Variants in ACP6 observed in about 807,000 individuals in gnomAD.
ACP6 encodes lysophosphatidic acid phosphatase type 6.
ACP6 carries 48 observed loss-of-function variants against 48.1 expected under a neutral mutation model. That is an observed-to-expected ratio of 1.00 (90% CI 0.79 to 1.27). The LOEUF is 1.27. Ranked by LOEUF, ACP6 falls within the 50% of genes most tolerant of loss-of-function variation. The probability of loss-of-function intolerance (pLI) is 0.00; values close to 1 mark genes in which losing one functional copy is unlikely to be tolerated. For synonymous variants in ACP6, 172 were observed against 204.2 expected, an observed-to-expected ratio of 0.84 and a Z score of 1.34; for missense variants, 485 against 529.1, an observed-to-expected ratio of 0.92 and a Z score of 0.82.
At position 147,669,908 on chromosome 1, in the gene ACP6, C is replaced by A; in HGVS notation, c.141G>T (p.Leu47=). Residue 47 remains leucine, a synonymous_variant, in exon 1 of 10, where the codon CTG becomes CTT. Transcript: ENST00000583509. ...ADGQCPVDRS[L]LKLKMVQVVF... ...CGACCTGCACCATTTTCAACTTCAGCAGGCTGCGGTCGACCGGACACTGGC... is the reference window on the plus strand; with the variant it reads ...CGACCTGCACCATTTTCAACTTCAGAAGGCTGCGGTCGACCGGACACTGGC... 6.3e-7 allele frequency: 1 copy of A among 1,594,404 alleles called. No individual in the cohort carries two copies.
intron 6 of ACP6, 38 bp downstream of exon 6, chr1:147,654,156 A>G (rs373655744): frequency 1.9e-6 from 3 of 1,605,444 alleles, no homozygotes; most frequent in Non-Finnish European, 2.5e-6. Context: ...CCAGCCCACC[A>G]AGGCTATTAT....
At chr1:147,662,177 C>A (rs1660579673) in intron 1 of ACP6, among the ~76,000 whole-genome samples, 1 of 152,186 alleles carries the variant, frequency 6.6e-6, no homozygotes, top group South Asian at 2.1e-4. Context: ...TGCTCATTGA[C>A]AATGCACCTA....
At chr1:147,655,061 A>T (rs987801337) in intron 5 of ACP6, 100 bp downstream of exon 5, 26 of 909,252 alleles carry the variant, frequency 2.9e-5, no homozygotes, top group Non-Finnish European at 4.0e-5. Flanking sequence ...ATTCGCCAGT[A>T]GGGTAAGCCT....
chr1:147,654,243 C>T lies in ACP6; in HGVS notation c.731G>A (p.Ser244Asn), dbSNP rs2148907783. 6.2e-7 allele frequency: 1 copy of T among 1,614,220 alleles called. No homozygotes were observed. The highest frequency in any genetic ancestry group is 2.2e-5 in the East Asian group (1 of 44,884). The change falls in exon 6 of 10, where the codon AGT becomes AAT. Residue 244 changes from serine to asparagine, a missense_variant. Coordinates refer to ENST00000583509, the MANE Select transcript of ACP6 (RefSeq NM_016361.5). The stretch of plus-strand genomic sequence containing the variant: ...GAGGATGAAGAAGTCCACTTTATCA[C>T]TACTGTCAATGCCCATCCTGTCCTT... ...KVKDRMGIDS[S>N]DKVDFFILLD...
At chr1:147,630,472 T>A (rs1659136890) in exon 6 of ACP6, 1 of 152,224 alleles carries the variant, frequency 6.6e-6, no homozygotes, top group Non-Finnish European at 1.5e-5. Flanking sequence ...CAGGAGCTCA[T>A]GTTTGTTTCT....
intron 1 of ACP6, among the ~76,000 whole-genome samples, chr1:147,668,021 A>G (rs1416422681): frequency 6.6e-6 from 1 of 152,098 alleles, no homozygotes; most frequent in South Asian, 2.1e-4. Flanking sequence ...ACCTCTATCA[A>G]ATTGGATCTT....
intron 1 of ACP6, among the ~76,000 whole-genome samples, chr1:147,662,434 AAGG>A (rs1192281003): frequency 2.0e-5 from 3 of 152,218 alleles, no homozygotes; most frequent in African/African-American, 7.2e-5. Flanking sequence ...GAACATTTAT[AAGG>A]AGGAGGTCAA....
rs782410525 is a variant in ACP6 at position 147,650,193 on chromosome 1, C to T, written c.927G>A (p.Glu309=). The T allele has an allele frequency of 4.4e-6, 7 of 1,606,402 alleles. No homozygotes were observed. Among genetic ancestry groups the T allele is most frequent in the South Asian group, 1.1e-5 (1 of 89,748 alleles). The change falls in exon 8 of 10, where the codon GAG becomes GAA. Residue 309 remains glutamate (E), a synonymous_variant. Transcript: ENST00000583509. ...MAVGPFLHIL[E]SNLLKAMDSA... ...AGTCCATGGCTTTCAGCAGGTTGCT[C>T]TCTAGGATGTGGAGGAATGGGCCTA...
intron 2 of ACP6, 42 bp downstream of exon 2, chr1:147,659,605 C>T (rs587765008): frequency 1.9e-6 from 3 of 1,613,602 alleles, no homozygotes; most frequent in African/African-American, 2.7e-5. Context: ...AACAACCCAA[C>T]CTTTGCAGTG....
At chr1:147,661,291 G>A (rs587714509) in intron 1 of ACP6, among the ~76,000 whole-genome samples, 1 of 149,294 alleles carries the variant, frequency 6.7e-6, no homozygotes, top group African/African-American at 2.5e-5. Flanking sequence ...TGGGACTACA[G>A]GCATATACCA....
intron 8 of ACP6, chr1:147,649,909 TAAAAA>T: frequency 3.9e-6 from 2 of 519,016 alleles, no homozygotes; most frequent in Non-Finnish European, 3.3e-6. Context: ...CTTCAATTAA[TAAAAA>T]AAAGAGAGAG....
Position 147,647,370 on chromosome 1 carries a change from T to C in ACP6, c.*53A>G, listed in dbSNP as rs1659668557. The C allele has an allele frequency of 1.9e-6, 3 of 1,600,986 alleles. No individual in the cohort carries two copies. Among genetic ancestry groups the C allele is most frequent in the Non-Finnish European group, 2.6e-6 (3 of 1,172,260 alleles). ...TCCCAAACACACAAAGCAGGAGGCA[T>C]TGTATAAAGGCACTTTATTTTAAAA... On this transcript the variant is annotated 3_prime_UTR_variant, in exon 10 of 10. Coordinates refer to ENST00000583509, the MANE Select transcript of ACP6 (RefSeq NM_016361.5).
intron 8 of ACP6, among the ~76,000 whole-genome samples, chr1:147,649,142 C>T (rs1358464719): frequency 6.6e-6 from 1 of 152,184 alleles, no homozygotes; most frequent in Non-Finnish European, 1.5e-5. Flanking sequence ...GCCCAAAGTT[C>T]CTGTTTCAAC....
chr1:147,637,562 G>C (rs1222797202), downstream of ACP6, among the ~76,000 whole-genome samples: 1 of 152,090 alleles, frequency 6.6e-6, no homozygotes, highest in East Asian at 1.9e-4. Flanking sequence ...CAGTTCCCTG[G>C]CTGTGCTCTG....
In ACP6 at chr1:147,669,812, C is replaced by T. The variant is rs1290627717; in HGVS notation, c.219+18G>A. The T allele has an allele frequency of 1.9e-6, 3 of 1,553,190 alleles. No homozygotes were observed. The highest frequency in any genetic ancestry group is 2.6e-6 in the Non-Finnish European group (3 of 1,143,012). On this transcript the variant is annotated intron_variant, in intron 1 of 9. Coordinates refer to ENST00000583509, the MANE Select transcript of ACP6 (RefSeq NM_016361.5). ...ACGGTCCTCGCCCCACCAGCCCCAG[C>T]CCGGGCCGACCTCTCACCTGCTCCT...
chr1:147,647,672 T>C, intron 9 of ACP6, 106 bp from the exon 10 acceptor site: 1 of 1,400,104 alleles, frequency 7.1e-7, no homozygotes, highest in South Asian at 1.4e-5. Context: ...GGTATACATG[T>C]GCATACATAT....
chr1:147,630,530 T>C (rs587599940), exon 6 of ACP6: 1 of 152,286 alleles, frequency 6.6e-6, no homozygotes, highest in South Asian at 2.1e-4. Context: ...ACTTCCCACA[T>C]AGAAGCTCAA....
chr1:147,652,401 G>C (rs782782344), intron 7 of ACP6, 48 bp downstream of exon 7: 1 of 1,558,914 alleles, frequency 6.4e-7, no homozygotes, highest in South Asian at 1.2e-5. Context: ...CCATACACTT[G>C]GATGTCTGAC....
At chr1:147,652,712 T>G in intron 6 of ACP6, 163 bp from the exon 7 acceptor site, 1 of 1,430,214 alleles carries the variant, frequency 7.0e-7, no homozygotes, top group Non-Finnish European at 9.5e-7. Context: ...GCTATGTCTC[T>G]AAAGCTCTTC....
Sources: gnomAD v4.1 joint callset for allele counts (sites outside exome capture counted in the v4.1 genomes callset) on GRCh38, gnomAD v4.1.1 for gene constraint, MANE v1.5 for transcripts, NCBI Gene and HGNC (gene_info 2026-07-23, HGNC 2026-07-21) for gene names.